Variants in CACNA1G observed in about 807,000 individuals in gnomAD.
CACNA1G encodes voltage-dependent T-type calcium channel subunit alpha-1G.
In CACNA1G, 67 loss-of-function variants were observed where a neutral mutation model predicts 219.4. That is an observed-to-expected ratio of 0.31 (90% CI 0.25 to 0.37). The LOEUF (loss-of-function observed/expected upper bound fraction) is 0.37. CACNA1G is among the 10% of genes least tolerant of loss of function. CACNA1G has a pLI of 1.00. For missense variants in CACNA1G, 2,380 were observed against 3,231.4 expected, an observed-to-expected ratio of 0.74 and a Z score of 6.39; for synonymous variants, 1,296 against 1,345.3, an observed-to-expected ratio of 0.96 and a Z score of 0.80.
chr17:50,626,169 C>T lies in CACNA1G; in HGVS notation c.6552C>T (p.His2184=), dbSNP rs766775917. Residue 2184 remains histidine, a synonymous_variant, in exon 38 of 38, where the codon CAC becomes CAT. Coordinates refer to ENST00000359106, the MANE Select transcript of CACNA1G (RefSeq NM_018896.5). The surrounding 1 kb of genome is among the most constrained non-coding windows in gnomAD (Gnocchi z 4.3). Reference sequence around the variant, plus strand: ...AGGCACAGCAGCACTCCCGCAGCCACAGCAAGATCTCCAAGCACATGACCC... The same window carrying T: ...AGGCACAGCAGCACTCCCGCAGCCATAGCAAGATCTCCAAGCACATGACCC... ...STQAQQHSRS[H]SKISKHMTPP... is the part of the protein sequence containing the mutation. The T allele has an allele frequency of 1.0e-4, 168 of 1,613,910 alleles. No individual in the cohort carries two copies. Among genetic ancestry groups the T allele is most frequent in the Non-Finnish European group, 1.0e-5 (12 of 1,179,868 alleles).
In CACNA1G at chr17:50,579,518, G is replaced by A. The variant is rs114873924; in HGVS notation, c.2301+954G>A. Among the ~76,000 whole-genome samples, 1,428 of 152,160 alleles carry A rather than the reference G, an allele frequency of 9.4e-3. 22 individuals carry two copies. The highest frequency in any genetic ancestry group is 0.033 in the African/African-American group (1,369 of 41,526). On this transcript the variant is annotated intron_variant, in intron 9 of 37. Coordinates refer to ENST00000359106, the MANE Select transcript of CACNA1G (RefSeq NM_018896.5). ...TTCCACAGGGTTCTTTCCAGAAGTC[G>A]CTCCCCCTCCCCCCAGTCTGGCCTT...
At chr17:50,624,798 G>A (rs186014004) in intron 37 of CACNA1G, among the ~76,000 whole-genome samples, 25 of 152,240 alleles carry the variant, frequency 1.6e-4, no homozygotes, top group Admixed American at 1.1e-3. Flanking sequence ...CTATCTGGTC[G>A]GAGGTAGAAC....
Position 50,603,197 on chromosome 17 carries a change from C to A in CACNA1G, c.4167C>A (p.Leu1389=). ...VLRLLRTLRP[L]RVISRAQGLK... ...GGCTGCTGCGGACCCTGCGCCCGCT[C>A]AGGTGACTCCCTCCCCAGCACTGGA... The change falls in exon 21 of 38, where the codon CTC becomes CTA. Residue 1389 remains leucine (L), a splice_region_variant and synonymous_variant. Coordinates refer to ENST00000359106, the MANE Select transcript of CACNA1G (RefSeq NM_018896.5). The surrounding 1 kb of genome is among the most constrained non-coding windows in gnomAD (Gnocchi z 6.4). 2 of 1,601,502 alleles carry A rather than the reference C, an allele frequency of 1.2e-6. No homozygotes were observed. The highest frequency in any genetic ancestry group is 1.7e-6 in the Non-Finnish European group (2 of 1,179,392).
chr17:50,581,105 A>T (rs2041866383), intron 9 of CACNA1G, among the ~76,000 whole-genome samples: 1 of 146,522 alleles, frequency 6.8e-6, no homozygotes, highest in Non-Finnish European at 1.5e-5. Context: ...GAGACGGGGG[A>T]GGAGGGCAGG....
rs200604758 is a variant in CACNA1G, at chr17:50,618,969, C to G, written c.5742C>G (p.His1914Gln). 3.2e-6 allele frequency: 5 copies of G among 1,552,538 alleles called. No individual in the cohort carries two copies. Among genetic ancestry groups the G allele is most frequent in the East Asian group, 2.3e-5 (1 of 44,254 alleles). Residue 1914 changes from histidine to glutamine, a missense_variant, in exon 33 of 38, where the codon CAC (histidine) becomes CAG (glutamine). Transcript: ENST00000359106. The surrounding 1 kb of genome is among the most constrained non-coding windows in gnomAD (Gnocchi z 5.3). ...CTGGGGCTCTGCACCCAGCGGCCCA[C>G]GCGAGATCAGCCTCCCACTTTTCCC... ...PKPGALHPAA[H>Q]ARSASHFSLE... is the part of the protein sequence containing the mutation.
chr17:50,575,937 T>G lies in CACNA1G; in HGVS notation c.1535T>G (p.Leu512Arg). ...CACTACCACCTGGGCAATGGGACGC[T>G]CAGGGCCCCCCGGGCCAGCCCGGAG... is the stretch of plus-strand genomic sequence containing the variant. ...HHHYHLGNGT[L>R]RAPRASPEIQ... The change falls in exon 8 of 38, where the codon CTC (leucine) becomes CGC (arginine). Residue 512 changes from leucine to arginine, a missense_variant. Physicochemically the swap from Leu to Arg is moderately radical, Grantham distance 102 (BLOSUM62 -2). Around this residue, in one of 17 missense-constraint regions of CACNA1G, gnomAD observed 434 missense variants for 417.3 expected, o/e 1.04. Transcript: ENST00000359106. 1 of 1,555,026 alleles carries G rather than the reference T, an allele frequency of 6.4e-7. No individual in the cohort carries two copies. Among genetic ancestry groups the G allele is most frequent in the Non-Finnish European group, 8.7e-7 (1 of 1,149,830 alleles).
rs760930415 is a variant in CACNA1G at position 50,575,845 on chromosome 17, C to T, written c.1443C>T (p.Ser481=). 16 of 1,549,722 alleles carry T rather than the reference C, an allele frequency of 1.0e-5. No homozygotes were observed. In the East Asian group the frequency reaches 3.9e-4, roughly 38 times the overall value. The change falls in exon 8 of 38, where the codon AGC becomes AGT. Residue 481 remains serine (S), a synonymous_variant. Transcript: ENST00000359106. The part of the protein sequence containing the change: ...LGGQETQPSS[S]CSRSHRRLSV... ...GCCAGGAGACCCAGCCCAGCAGCAG[C>T]TGCTCTCGCTCCCACCGCCGCCTAT...
At position 50,600,370 on chromosome 17, in the gene CACNA1G, G is replaced by T. The variant is rs1163934492; in HGVS notation, c.3691-356G>T. On this transcript the variant is annotated intron_variant, in intron 17 of 37. Coordinates refer to ENST00000359106, the MANE Select transcript of CACNA1G (RefSeq NM_018896.5). This position sits in a 1 kb window ranked among gnomAD's most constrained non-coding sequence, Gnocchi z 4.1. ...GCTGAGGTGTGTCTCTGAACAGACAGCTGTGTGGGGCCAGTGTTTGATAAC... is the reference window on the plus strand; with the variant it reads ...GCTGAGGTGTGTCTCTGAACAGACATCTGTGTGGGGCCAGTGTTTGATAAC... Among the ~76,000 whole-genome samples, 1 of 152,146 alleles carries T rather than the reference G, an allele frequency of 6.6e-6. No individual in the cohort carries two copies. The highest frequency in any genetic ancestry group is 2.4e-5 in the African/African-American group (1 of 41,420).
intron 26 of CACNA1G, 37 bp downstream of exon 26, chr17:50,609,972 A>G: frequency 6.3e-7 from 1 of 1,586,510 alleles, no homozygotes; most frequent in African/African-American, 1.3e-5. Context: ...GCGTGTGGGG[A>G]CATGCTCTTC....
intron 26 of CACNA1G, among the ~76,000 whole-genome samples, chr17:50,614,024 C>T (rs987603326): frequency 1.3e-5 from 2 of 152,240 alleles, no homozygotes; most frequent in South Asian, 2.1e-4. Context: ...CTGTCTGCTC[C>T]GTGGTCATCC....
Position 50,613,473 on chromosome 17 carries a change from C to T in CACNA1G, c.4760-1888C>T, listed in dbSNP as rs545815647. ...CCCGGCTGAATTGAAGCCCACCCAC[C>T]CCACAGACTCCTAGTGCAAGGCCAG... On this transcript the variant is annotated intron_variant, in intron 26 of 37. Transcript: ENST00000359106. Among the ~76,000 whole-genome samples the T allele has an allele frequency of 1.5e-4, 23 of 152,220 alleles. No homozygotes were observed. The East Asian group carries it at 4.3e-3, about 28-fold the overall frequency.
chr17:50,576,723 C>T lies in CACNA1G; in HGVS notation c.1924+397C>T, dbSNP rs1012804745. Among the ~76,000 whole-genome samples the T allele has an allele frequency of 3.3e-5, 5 of 152,204 alleles. 1 individual carries two copies. Among genetic ancestry groups the T allele is most frequent in the Admixed American group, 2.6e-4 (4 of 15,286 alleles). On this transcript the variant is annotated intron_variant, in intron 8 of 37. Coordinates refer to ENST00000359106, the MANE Select transcript of CACNA1G (RefSeq NM_018896.5). ...CATTGTGTGGATGAGAACCAGGAGGCTTGAGGGGATTGCATGACTTGCCCA... is the reference window on the plus strand; with the variant it reads ...CATTGTGTGGATGAGAACCAGGAGGTTTGAGGGGATTGCATGACTTGCCCA...
chr17:50,584,734 G>T (rs1307953326), intron 9 of CACNA1G, among the ~76,000 whole-genome samples: 2 of 143,968 alleles, frequency 1.4e-5, no homozygotes, highest in African/African-American at 6.0e-5. Context: ...CTTTGGAGGA[G>T]GGACGTGGAG....
chr17:50,564,518 G>C (rs1399435481), intron 1 of CACNA1G, among the ~76,000 whole-genome samples: 12 of 140,164 alleles, frequency 8.6e-5, no homozygotes, highest in African/African-American at 3.5e-4. Flanking sequence ...GGGGAGGAGA[G>C]GGGGGGGAGG....
At chr17:50,574,084 G>T (rs1321163118) in intron 7 of CACNA1G, among the ~76,000 whole-genome samples, 1 of 152,164 alleles carries the variant, frequency 6.6e-6, no homozygotes, top group Non-Finnish European at 1.5e-5. Flanking sequence ...TCCCCTGTGA[G>T]GTGCCAGGGC....
At chr17:50,613,393 T>G (rs1000796054) in intron 26 of CACNA1G, among the ~76,000 whole-genome samples, 6 of 152,290 alleles carry the variant, frequency 3.9e-5, no homozygotes, top group African/African-American at 1.4e-4. Context: ...TATAAGCAGA[T>G]GCCCTGCCTC....
At chr17:50,594,185 G>A (rs2044997650) in intron 13 of CACNA1G, among the ~76,000 whole-genome samples, 1 of 152,216 alleles carries the variant, frequency 6.6e-6, no homozygotes, top group South Asian at 2.1e-4. Context: ...TGCTTGGCTG[G>A]TGATTTCCTG....
In CACNA1G at chr17:50,599,490, C is replaced by A; in HGVS notation, c.3321C>A (p.Arg1107=). The A allele has an allele frequency of 6.3e-7, 1 of 1,595,956 alleles. No individual in the cohort carries two copies. Among genetic ancestry groups the A allele is most frequent in the Non-Finnish European group, 8.5e-7 (1 of 1,172,160 alleles). Residue 1107 remains arginine (R), a synonymous_variant, in exon 17 of 38, where the codon CGC becomes CGA. Transcript: ENST00000359106. ...CTGCAAGCAGCTGGACCAGCAGGCG[C>A]TCCAGCCGGAACAGCCTCGGCCGTG... The part of the protein sequence containing the change: ...WSAASSWTSR[R]SSRNSLGRAP...
In CACNA1G at chr17:50,575,834, C is replaced by T; in HGVS notation, c.1432C>T (p.Pro478Ser). 1.3e-6 allele frequency: 2 copies of T among 1,550,246 alleles called. No homozygotes were observed. The highest frequency in any genetic ancestry group is 1.7e-6 in the Non-Finnish European group (2 of 1,147,242). The change falls in exon 8 of 38, where the codon CCC becomes TCC. Residue 478 changes from proline (P) to serine (S), a missense_variant. By Grantham distance (74) the Pro-to-Ser change is moderately conservative. This residue lies in a region of CACNA1G where 434 missense variants were observed against 417.3 expected (regional missense o/e 1.04). Transcript: ENST00000359106. ...ACCCCTCGGGGGCCAGGAGACCCAG[C>T]CCAGCAGCAGCTGCTCTCGCTCCCA... Reference protein sequence around the residue: ...PAPLGGQETQPSSSCSRSHRR... With the variant: ...PAPLGGQETQSSSSCSRSHRR...
Sources: allele counts gnomAD v4.1 joint callset (sites outside exome capture counted in the v4.1 genomes callset), GRCh38; gene constraint gnomAD v4.1.1; regional missense constraint gnomAD v4.1.1; non-coding constraint Gnocchi (gnomAD v3.1); transcripts MANE v1.5; gene names NCBI Gene and HGNC (gene_info 2026-07-23, HGNC 2026-07-21).